PAPPA2: variants seen among roughly 807,000 people sequenced by gnomAD.
PAPPA2 encodes pappalysin-2.
Under a neutral mutation model 176.4 loss-of-function variants are expected in PAPPA2, and 86 were observed. The ratio of observed to expected loss-of-function variants is 0.49; its 90% CI spans 0.41 to 0.58. The LOEUF is 0.58. Among genes scored for constraint, PAPPA2 ranks in the 20% least tolerant of loss-of-function variants. PAPPA2 has a pLI of 0.00. For synonymous variants in PAPPA2, 809 were observed against 852.2 expected, an observed-to-expected ratio of 0.95 and a Z score of 0.88; for missense variants, 2,073 against 2,256.9, an observed-to-expected ratio of 0.92 and a Z score of 1.65.
intron 2 of PAPPA2, among the ~76,000 whole-genome samples, chr1:176,582,637 TA>T (rs1229671670): frequency 3.3e-5 from 5 of 152,194 alleles, no homozygotes; most frequent in African/African-American, 1.2e-4. Context: ...TGTTTTTTTT[TA>T]TGTGCTGTTA....
chr1:176,495,721 T>C (rs970204837), intron 1 of PAPPA2, among the ~76,000 whole-genome samples: 4 of 152,116 alleles, frequency 2.6e-5, no homozygotes, highest in African/African-American at 9.7e-5. Context: ...ATAATATTTA[T>C]TGACAGCTGG....
chr1:176,595,137 C>T lies in PAPPA2; in HGVS notation c.1533C>T (p.Ser511=). The T allele has an allele frequency of 8.1e-6, 13 of 1,614,178 alleles. No individual in the cohort carries two copies. The highest frequency in any genetic ancestry group is 5.3e-5 in the African/African-American group (4 of 75,042). Residue 511 remains serine, a synonymous_variant, in exon 3 of 23, where the codon TCC becomes TCT. Transcript: ENST00000367662. ...QTVCDNVELI[S]QYNGYWPLRG... is the part of the protein sequence containing the mutation. Reference sequence around the variant, plus strand: ...TCTGTGACAATGTGGAATTGATCTCCCAGTACAATGGATACTGGCCCCTTC... The same window carrying T: ...TCTGTGACAATGTGGAATTGATCTCTCAGTACAATGGATACTGGCCCCTTC...
chr1:176,752,251 G>A (rs1198750457), intron 14 of PAPPA2, among the ~76,000 whole-genome samples: 3 of 127,658 alleles, frequency 2.4e-5, no homozygotes, highest in African/African-American at 9.1e-5. Flanking sequence ...TAGATGACAC[G>A]TTAGTGGGTG....
At chr1:176,706,710 A>C (rs1165886996) in intron 10 of PAPPA2, among the ~76,000 whole-genome samples, 1 of 152,180 alleles carries the variant, frequency 6.6e-6, no homozygotes, top group Non-Finnish European at 1.5e-5. Context: ...CAGCATTTGA[A>C]CTAAGGAAGT....
At chr1:176,771,523 C>G (rs1161290270) in intron 17 of PAPPA2, among the ~76,000 whole-genome samples, 2 of 152,182 alleles carry the variant, frequency 1.3e-5, no homozygotes, top group Non-Finnish European at 2.9e-5. Flanking sequence ...AGTGCAGACA[C>G]TTATGAGCTG....
At chr1:176,792,703 A>C (rs1665236447) in intron 19 of PAPPA2, among the ~76,000 whole-genome samples, 1 of 152,140 alleles carries the variant, frequency 6.6e-6, no homozygotes, top group South Asian at 2.1e-4. Flanking sequence ...CTAAAACTTA[A>C]AGTATAATAA....
chr1:176,563,338 G>T (rs1161848803), intron 2 of PAPPA2, among the ~76,000 whole-genome samples: 1 of 152,150 alleles, frequency 6.6e-6, no homozygotes, highest in Non-Finnish European at 1.5e-5. Context: ...TTCAATAGGA[G>T]CATCCCCTCC....
chr1:176,667,271 T>G (rs902488345), intron 3 of PAPPA2, among the ~76,000 whole-genome samples: 1 of 150,390 alleles, frequency 6.6e-6, no homozygotes, highest in African/African-American at 2.4e-5. Flanking sequence ...AAAAAAAGAA[T>G]AAGACTGTGT....
intron 14 of PAPPA2, among the ~76,000 whole-genome samples, chr1:176,759,880 C>A (rs1470703246): frequency 1.3e-5 from 2 of 152,170 alleles, no homozygotes; most frequent in African/African-American, 4.8e-5. Flanking sequence ...ACTTTGGGAA[C>A]CTGCCCCTAA....
At chr1:176,554,805 G>A (rs1165890552) in intron 1 of PAPPA2, among the ~76,000 whole-genome samples, 1 of 152,088 alleles carries the variant, frequency 6.6e-6, no homozygotes, top group African/African-American at 2.4e-5. Context: ...TTTCTCCCAT[G>A]TCCGATTTAA....
chr1:176,720,371 TTTG>T (rs1661563007), intron 12 of PAPPA2, among the ~76,000 whole-genome samples: 1 of 152,160 alleles, frequency 6.6e-6, no homozygotes, highest in Non-Finnish European at 1.5e-5. Flanking sequence ...ATATGCTTAG[TTTG>T]TTATCAACAT....
chr1:176,544,984 A>G (rs1650553775), intron 1 of PAPPA2, among the ~76,000 whole-genome samples: 1 of 152,202 alleles, frequency 6.6e-6, no homozygotes, highest in Non-Finnish European at 1.5e-5. Flanking sequence ...CCAACTGCCC[A>G]GTATCTCCAT....
intron 18 of PAPPA2, 65 bp from the exon 19 acceptor site, chr1:176,791,282 A>G (rs1262805114): frequency 2.1e-6 from 3 of 1,457,490 alleles, no homozygotes; most frequent in Non-Finnish European, 1.9e-6. Flanking sequence ...TAATCAGACC[A>G]CTTTTTTCAA....
chr1:176,807,479 T>C (rs1323661311), intron 21 of PAPPA2, among the ~76,000 whole-genome samples: 4 of 151,784 alleles, frequency 2.6e-5, no homozygotes, highest in African/African-American at 9.7e-5. Flanking sequence ...CCAAGTTTGA[T>C]ATTTTCTTTC....
chr1:176,657,187 G>A (rs1658080597), intron 3 of PAPPA2, among the ~76,000 whole-genome samples: 1 of 151,912 alleles, frequency 6.6e-6, no homozygotes, highest in Non-Finnish European at 1.5e-5. Flanking sequence ...TATTAGGAAA[G>A]CCTTCCCAGA....
intron 1 of PAPPA2, among the ~76,000 whole-genome samples, chr1:176,490,162 G>A (rs1195205862): frequency 1.0e-4 from 15 of 147,930 alleles, no homozygotes; most frequent in Non-Finnish European, 3.0e-5. Context: ...TTTTTGCTTT[G>A]GTTCTCTTTT....
At chr1:176,774,258 A>T (rs1331483413) in intron 17 of PAPPA2, among the ~76,000 whole-genome samples, 1 of 152,030 alleles carries the variant, frequency 6.6e-6, no homozygotes, top group Admixed American at 6.6e-5. Flanking sequence ...CTCAGTTACC[A>T]TCTGCGTGCT....
chr1:176,821,440 T>C (rs1226922777), intron 21 of PAPPA2, among the ~76,000 whole-genome samples: 2 of 152,220 alleles, frequency 1.3e-5, no homozygotes, highest in African/African-American at 4.8e-5. Flanking sequence ...ATCAAGTCTT[T>C]CTGTAATAAA....
intron 12 of PAPPA2, among the ~76,000 whole-genome samples, chr1:176,713,981 T>C (rs992854400): frequency 2.0e-5 from 3 of 152,122 alleles, no homozygotes; most frequent in African/African-American, 7.2e-5. Context: ...AAACAATTAA[T>C]TAGCTATAAG....
Sources: gnomAD v4.1 joint callset for allele counts (sites outside exome capture counted in the v4.1 genomes callset) on GRCh38, gnomAD v4.1.1 for gene constraint, MANE v1.5 for transcripts, NCBI Gene and HGNC (gene_info 2026-07-23, HGNC 2026-07-21) for gene names.